Variants in MGAT4C observed in about 807,000 individuals in gnomAD.
MGAT4C encodes the protein MGAT4 family member C.
In MGAT4C, 19 loss-of-function variants were observed where a neutral mutation model predicts 40.1. That is an observed-to-expected ratio of 0.47 (90% CI 0.33 to 0.70). MGAT4C has a LOEUF of 0.70. Ranked by LOEUF, MGAT4C falls within the 30% of genes least tolerant of loss-of-function variation. MGAT4C has a pLI of 0.02. For synonymous variants in MGAT4C, 181 were observed against 187.1 expected (o/e 0.97, Z 0.27); for missense variants, 491 against 563.2 (o/e 0.87, Z 1.30).
intron 2 of MGAT4C, among the ~76,000 whole-genome samples, chr12:86,574,875 C>A (rs1406436893): frequency 6.6e-6 from 1 of 151,742 alleles, no homozygotes; most frequent in East Asian, 1.9e-4. Context: ...TGATTTTTAT[C>A]CTAAAGTTCA....
At chr12:86,536,457 T>A (rs1959070066) in intron 2 of MGAT4C, among the ~76,000 whole-genome samples, 1 of 152,136 alleles carries the variant, frequency 6.6e-6, no homozygotes, top group Non-Finnish European at 1.5e-5. Flanking sequence ...ATATGATAAT[T>A]TAAAACTTTA....
intron 4 of MGAT4C, among the ~76,000 whole-genome samples, chr12:86,333,265 T>G (rs1247012837): frequency 2.6e-5 from 4 of 152,164 alleles, no homozygotes; most frequent in Non-Finnish European, 5.9e-5. Context: ...TGGCCATTAT[T>G]GGGGAAAAAA....
rs376072753 is a variant in MGAT4C at position 86,012,715 on chromosome 12, G to A, written c.-6-23163C>T. On this transcript the variant is annotated intron_variant, in intron 2 of 4. Transcript: ENST00000611864. ...TTCAGTGAGCTGAGATCGCACCATT[G>A]CACTGCAGCCTGGGCAGCAAGAGAG... Among the ~76,000 whole-genome samples the A allele has an allele frequency of 2.6e-5, 4 of 151,610 alleles. No homozygotes were observed. The East Asian group carries it at 5.9e-4, about 22-fold the overall frequency.
At chr12:86,271,103 C>G (rs1952934802) in intron 4 of MGAT4C, among the ~76,000 whole-genome samples, 1 of 152,068 alleles carries the variant, frequency 6.6e-6, no homozygotes, top group Non-Finnish European at 1.5e-5. Flanking sequence ...GGACATTTGT[C>G]TAGGCAAAAC....
chr12:85,979,471 G>T lies in MGAT4C; in HGVS notation c.1255C>A (p.Pro419Thr). 6.2e-7 allele frequency: 1 copy of T among 1,613,316 alleles called. No individual in the cohort carries two copies. The highest frequency in any genetic ancestry group is 8.5e-7 in the Non-Finnish European group (1 of 1,179,584). The change falls in exon 5 of 5, where the codon CCT becomes ACT. Residue 419 changes from proline to threonine, a missense_variant. By Grantham distance (38) the Pro-to-Thr change is conservative (BLOSUM62 -1). Coordinates refer to ENST00000611864, the MANE Select transcript of MGAT4C (RefSeq NM_001351288.2). Reference sequence around the variant, plus strand: ...GAACATTGTCTCCTTTGTTTGCTAGGCATAACGTTTTCCCCAACATCTAGG... The same window carrying T: ...GAACATTGTCTCCTTTGTTTGCTAGTCATAACGTTTTCCCCAACATCTAGG... ...GALDVGENVM[P>T]SKQRRQCSTY...
chr12:86,268,416 A>T (rs545954342), intron 4 of MGAT4C, among the ~76,000 whole-genome samples: 2 of 152,076 alleles, frequency 1.3e-5, no homozygotes, highest in African/African-American at 4.8e-5. Flanking sequence ...ATATAGATTT[A>T]AAAACATTGA....
intron 3 of MGAT4C, among the ~76,000 whole-genome samples, chr12:86,372,121 T>C (rs1271103273): frequency 6.6e-6 from 1 of 151,918 alleles, no homozygotes; most frequent in East Asian, 1.9e-4. Flanking sequence ...TCAGTTTAAT[T>C]CAAATCAGAG....
chr12:86,157,543 CCT>C (rs1885099611), intron 1 of MGAT4C, among the ~76,000 whole-genome samples: 3 of 151,716 alleles, frequency 2.0e-5, no homozygotes, highest in African/African-American at 7.3e-5. Flanking sequence ...TAATAAATCC[CCT>C]GTTATTAGTC....
chr12:86,529,581 T>C (rs1381404044), intron 2 of MGAT4C, among the ~76,000 whole-genome samples: 1 of 152,092 alleles, frequency 6.6e-6, no homozygotes, highest in East Asian at 1.9e-4. Flanking sequence ...TTTTAAATGA[T>C]ATCTCTGTTA....
intron 1 of MGAT4C, among the ~76,000 whole-genome samples, chr12:86,072,600 A>G (rs992446237): frequency 1.3e-5 from 2 of 152,128 alleles, no homozygotes; most frequent in African/African-American, 4.8e-5. Context: ...AGCAAAGGAT[A>G]GATGAAAGGA....
chr12:86,338,828 A>G (rs1013500166), intron 3 of MGAT4C, among the ~76,000 whole-genome samples: 1 of 151,818 alleles, frequency 6.6e-6, no homozygotes, highest in African/African-American at 2.4e-5. Context: ...GCATGGTGGC[A>G]CACACCTGTA....
intron 3 of MGAT4C, among the ~76,000 whole-genome samples, chr12:86,403,633 C>G (rs1367808281): frequency 6.6e-6 from 1 of 152,004 alleles, no homozygotes; most frequent in Non-Finnish European, 1.5e-5. Flanking sequence ...AATTTTCGCT[C>G]TTTTAAGAAG....
rs1214060564 is a variant in MGAT4C, at chr12:85,970,932, A to G, written c.*8357T>C. On this transcript the variant is annotated 3_prime_UTR_variant, in exon 5 of 5. Transcript: ENST00000611864. ...TAAAATTGCAAACTTAATCACATAAATAATGAGATTAAAGTTAAAATGAAA... is the reference window on the plus strand; with the variant it reads ...TAAAATTGCAAACTTAATCACATAAGTAATGAGATTAAAGTTAAAATGAAA... 1 of 151,274 alleles carries G rather than the reference A, an allele frequency of 6.6e-6. No individual in the cohort carries two copies. Among genetic ancestry groups the G allele is most frequent in the African/African-American group, 2.4e-5 (1 of 41,368 alleles). 9.4% of individuals were successfully genotyped at this position (151,274 alleles called of 1,614,324 possible).
chr12:86,719,921 A>C (rs538154135), intron 2 of MGAT4C, among the ~76,000 whole-genome samples: 1 of 152,336 alleles, frequency 6.6e-6, no homozygotes, highest in South Asian at 2.1e-4. Context: ...TGTGAGGAAC[A>C]ACCTTGGCAT....
intron 1 of MGAT4C, among the ~76,000 whole-genome samples, chr12:86,161,878 C>T (rs1885625890): frequency 6.6e-6 from 1 of 151,966 alleles, no homozygotes; most frequent in African/African-American, 2.4e-5. Context: ...ATACAAGCTG[C>T]CAACAAACGC....
rs139777381 is a variant in MGAT4C, at chr12:86,689,129, G to A, written c.-229+38080C>T. Among the ~76,000 whole-genome samples the A allele has an allele frequency of 3.1e-3, 467 of 152,030 alleles. 2 individuals carry two copies. The highest frequency in any genetic ancestry group is 0.011 in the African/African-American group (446 of 41,442). ...CTGATATCCTTTATTTCACTTGATC[G>A]ATTCATCTGTTGATACCTGTGTATA... On this transcript the variant is annotated intron_variant, in intron 2 of 7. Coordinates refer to the MGAT4C transcript ENST00000548651.
At chr12:86,162,356 A>T (rs1426177962) in intron 1 of MGAT4C, among the ~76,000 whole-genome samples, 1 of 152,172 alleles carries the variant, frequency 6.6e-6, no homozygotes, top group East Asian at 1.9e-4. Flanking sequence ...TCATGGATGG[A>T]GCTGGAGGCC....
At chr12:86,474,284 C>T (rs1279731477) in intron 2 of MGAT4C, among the ~76,000 whole-genome samples, 2 of 148,548 alleles carry the variant, frequency 1.3e-5, no homozygotes, top group Non-Finnish European at 3.0e-5. Flanking sequence ...AAAAACCAAA[C>T]ACCGCATTTT....
chr12:86,548,908 G>A (rs555227998), intron 2 of MGAT4C, among the ~76,000 whole-genome samples: 1 of 152,276 alleles, frequency 6.6e-6, no homozygotes, highest in African/African-American at 2.4e-5. Flanking sequence ...CGAAAAGGAT[G>A]GAAGAAGCTA....
Sources: allele counts gnomAD v4.1 joint callset (sites outside exome capture counted in the v4.1 genomes callset), GRCh38; gene constraint gnomAD v4.1.1; transcripts MANE v1.5; gene names NCBI Gene and HGNC (gene_info 2026-07-23, HGNC 2026-07-21).